Variants in PTPRT observed in about 807,000 individuals in gnomAD.
The protein encoded by PTPRT is protein tyrosine phosphatase receptor type T.
In PTPRT, 56 loss-of-function variants were observed where a neutral mutation model predicts 176.8. The observed-to-expected ratio is 0.32, with a 90% CI of 0.26 to 0.40. PTPRT has a LOEUF of 0.40. PTPRT is among the 10% of genes least tolerant of loss of function. The probability of loss-of-function intolerance (pLI) is 1.00; values close to 1 mark genes in which losing one functional copy is unlikely to be tolerated. For missense variants in PTPRT, 1,540 were observed against 1,908.2 expected, an observed-to-expected ratio of 0.81 and a Z score of 3.60; for synonymous variants, 783 against 739.0, an observed-to-expected ratio of 1.06 and a Z score of -0.96.
intron 1 of PTPRT, among the ~76,000 whole-genome samples, chr20:43,104,277 T>C (rs2012509457): frequency 6.6e-6 from 1 of 152,146 alleles, no homozygotes; most frequent in African/African-American, 2.4e-5. Context: ...AACTTCACCA[T>C]GTTCAAATGG....
At chr20:43,177,828 T>C (rs2015156429) in intron 1 of PTPRT, among the ~76,000 whole-genome samples, 1 of 152,238 alleles carries the variant, frequency 6.6e-6, no homozygotes, top group Admixed American at 6.5e-5. Context: ...AATTCTGTTT[T>C]AAAATATGTG....
chr20:42,608,886 A>G (rs1260040589), intron 7 of PTPRT, among the ~76,000 whole-genome samples: 1 of 152,162 alleles, frequency 6.6e-6, no homozygotes, highest in Non-Finnish European at 1.5e-5. Context: ...AGTTTTAGCC[A>G]GCCCAGACCC....
chr20:42,583,471 C>A (rs1481517051), intron 7 of PTPRT, among the ~76,000 whole-genome samples: 1 of 152,192 alleles, frequency 6.6e-6, no homozygotes, highest in Admixed American at 6.5e-5. Flanking sequence ...TGACAGAGGG[C>A]CCATGACATT....
At chr20:42,251,753 C>A in intron 13 of PTPRT, among the ~76,000 whole-genome samples, 1 of 151,290 alleles carries the variant, frequency 6.6e-6, no homozygotes, top group African/African-American at 2.4e-5. Flanking sequence ...GTAGTATAAC[C>A]AGGGCAAGAA....
intron 2 of PTPRT, among the ~76,000 whole-genome samples, chr20:42,798,346 C>T (rs1337019601): frequency 1.3e-5 from 2 of 152,062 alleles, no homozygotes; most frequent in Non-Finnish European, 2.9e-5. Context: ...GTGAAAGTGG[C>T]ACAAAGACAT....
chr20:43,128,203 C>G (rs894856465), intron 1 of PTPRT, among the ~76,000 whole-genome samples: 1 of 152,168 alleles, frequency 6.6e-6, no homozygotes, highest in Non-Finnish European at 1.5e-5. Flanking sequence ...GCAGATGAAG[C>G]CAGCCCAAGG....
chr20:42,322,779 A>C (rs1240656407), intron 11 of PTPRT, among the ~76,000 whole-genome samples: 2 of 152,074 alleles, frequency 1.3e-5, no homozygotes, highest in East Asian at 3.9e-4. Context: ...TAAACTAAAG[A>C]GCTTCTGCAC....
intron 7 of PTPRT, among the ~76,000 whole-genome samples, chr20:42,652,080 CAA>C (rs370533271): frequency 4.4e-5 from 6 of 135,288 alleles, no homozygotes; most frequent in African/African-American, 5.3e-5. Context: ...ACAAAAAAAA[CAA>C]AAAAAAAAAG....
chr20:42,272,657 G>A (rs1452034603), intron 13 of PTPRT, among the ~76,000 whole-genome samples: 1 of 152,112 alleles, frequency 6.6e-6, no homozygotes, highest in East Asian at 1.9e-4. Context: ...AGTACCTCCA[G>A]GGGCTCCACT....
intron 1 of PTPRT, among the ~76,000 whole-genome samples, chr20:43,102,986 G>C (rs1321151747): frequency 1.3e-5 from 2 of 152,176 alleles, no homozygotes; most frequent in African/African-American, 4.8e-5. Flanking sequence ...TGGCAAGGAA[G>C]ACCTGGAGGG....
chr20:42,139,959 T>A (rs558020833), intron 18 of PTPRT, among the ~76,000 whole-genome samples: 1 of 152,380 alleles, frequency 6.6e-6, no homozygotes, highest in South Asian at 2.1e-4. Context: ...ACACTTCACT[T>A]GCAAGAAATC....
intron 1 of PTPRT, among the ~76,000 whole-genome samples, chr20:42,902,094 G>A (rs1472793190): frequency 6.6e-6 from 1 of 152,198 alleles, no homozygotes; most frequent in Non-Finnish European, 1.5e-5. Flanking sequence ...CAGGAAACCA[G>A]GAGATGGATG....
intron 7 of PTPRT, among the ~76,000 whole-genome samples, chr20:42,618,457 C>G (rs1333011398): frequency 4.4e-5 from 6 of 135,398 alleles, no homozygotes; most frequent in Non-Finnish European, 9.2e-5. Context: ...TCTATTAGGT[C>G]CGCTTGGTGC....
chr20:43,171,869 A>C (rs1031803213), intron 1 of PTPRT, among the ~76,000 whole-genome samples: 1 of 152,192 alleles, frequency 6.6e-6, no homozygotes, highest in Non-Finnish European at 1.5e-5. Context: ...AGAGCAGAGG[A>C]CAAGTACCCT....
At chr20:42,856,431 C>T (rs2078564627) in intron 2 of PTPRT, among the ~76,000 whole-genome samples, 1 of 152,010 alleles carries the variant, frequency 6.6e-6, no homozygotes, top group Admixed American at 6.6e-5. Flanking sequence ...TTTTTTAAAA[C>T]TCACCCTGGA....
chr20:42,112,561 C>CTT (rs1987061385), intron 22 of PTPRT, among the ~76,000 whole-genome samples: 1 of 152,150 alleles, frequency 6.6e-6, no homozygotes, highest in East Asian at 1.9e-4. Flanking sequence ...CCTGAGGCCC[C>CTT]TTTGCCTCAA....
At position 43,005,531 on chromosome 20, in the gene PTPRT, A is replaced by G. The variant is rs955668418; in HGVS notation, c.89-119599T>C. On this transcript the variant is annotated intron_variant, in intron 1 of 30. Transcript: ENST00000373187. Reference sequence around the variant, plus strand: ...TACAACACCCTGCTTGTCTCCTTCAATGCACTTCCCACAATCTGGGGGAAA... The same window carrying G: ...TACAACACCCTGCTTGTCTCCTTCAGTGCACTTCCCACAATCTGGGGGAAA... Among the ~76,000 whole-genome samples the G allele has an allele frequency of 2.6e-5, 4 of 151,964 alleles. No individual in the cohort carries two copies. In the South Asian group the frequency reaches 8.3e-4, roughly 32 times the overall value.
rs370418753 is a variant in PTPRT at position 42,658,032 on chromosome 20, T to A, written c.1153+19834A>T. ...TATATCTAGAGCCAAAGAACCCAAA[T>A]GTATGTCTCTATCACTGACTTGTAC... On this transcript the variant is annotated intron_variant, in intron 7 of 30. Coordinates refer to ENST00000373187, the MANE Select transcript of PTPRT (RefSeq NM_007050.6). Among the ~76,000 whole-genome samples the A allele has an allele frequency of 2.0e-4, 30 of 152,142 alleles. No homozygotes were observed. The East Asian group carries it at 3.9e-3, about 20-fold the overall frequency.
intron 27 of PTPRT, among the ~76,000 whole-genome samples, chr20:42,086,870 T>A (rs954700315): frequency 2.0e-5 from 3 of 149,482 alleles, no homozygotes; most frequent in African/African-American, 7.5e-5. Context: ...GGGATAATTA[T>A]GCTTACTTTG....
Sources: gnomAD v4.1 joint callset for allele counts (sites outside exome capture counted in the v4.1 genomes callset) on GRCh38, gnomAD v4.1.1 for gene constraint, MANE v1.5 for transcripts, NCBI Gene and HGNC (gene_info 2026-07-23, HGNC 2026-07-21) for gene names.